The following VEPH1 variants were observed in gnomAD, a reference collection of about 807,000 sequenced individuals.
The protein encoded by VEPH1 is ventricular zone-expressed PH domain-containing protein homolog 1.
Under a neutral mutation model 85.2 loss-of-function variants are expected in VEPH1, and 80 were observed. That is an observed-to-expected ratio of 0.94 (90% CI 0.78 to 1.13). VEPH1 has a LOEUF of 1.13. Ranked by LOEUF, VEPH1 falls within the 50% of genes most tolerant of loss-of-function variation. The pLI is 0.00. For synonymous variants in VEPH1, 297 were observed against 348.0 expected (o/e 0.85, Z 1.63); for missense variants, 955 against 980.5 (o/e 0.97, Z 0.35).
chr3:157,318,651 A>AGAAT (rs1721043429), intron 9 of VEPH1, among the ~76,000 whole-genome samples: 2 of 145,052 alleles, frequency 1.4e-5, no homozygotes, highest in African/African-American at 5.4e-5. Flanking sequence ...AAAGAAAGAA[A>AGAAT]GAATGAAAGA....
intron 2 of VEPH1, among the ~76,000 whole-genome samples, chr3:157,481,465 C>CACACAAACACA (rs539385213): frequency 1.6e-5 from 1 of 63,312 alleles, no homozygotes; most frequent in African/African-American, 5.7e-5. Flanking sequence ...CACACACACA[C>CACACAAACACA]AAAAAAAAAA....
chr3:157,437,892 T>C, intron 4 of VEPH1: 1 of 1,520,556 alleles, frequency 6.6e-7, no homozygotes, highest in Non-Finnish European at 8.8e-7. Context: ...AGGGCTGGGC[T>C]GCCCGGAGCT....
intron 4 of VEPH1, chr3:157,443,671 G>A (rs1335087157): frequency 6.6e-6 from 1 of 152,220 alleles, no homozygotes; most frequent in Non-Finnish European, 1.5e-5. Context: ...TAGGCAATTA[G>A]TTTTCAGATA....
intron 6 of VEPH1, among the ~76,000 whole-genome samples, chr3:157,382,478 G>T (rs1728884997): frequency 6.6e-6 from 1 of 152,124 alleles, no homozygotes; most frequent in African/African-American, 2.4e-5. Flanking sequence ...GTGCCCAATA[G>T]AAATAATGAT....
At chr3:157,442,036 A>G (rs571713943) in intron 4 of VEPH1, among the ~76,000 whole-genome samples, 1 of 151,946 alleles carries the variant, frequency 6.6e-6, no homozygotes, top group Non-Finnish European at 1.5e-5. Flanking sequence ...CAACTTTTTT[A>G]AAAAAAAGCA....
intron 2 of VEPH1, among the ~76,000 whole-genome samples, chr3:157,474,497 C>A (rs1376880273): frequency 2.6e-5 from 4 of 152,088 alleles, no homozygotes; most frequent in Non-Finnish European, 5.9e-5. Flanking sequence ...GTTGTTAACT[C>A]TCTTTCTGTA....
At position 157,261,297 on chromosome 3, in the gene VEPH1, C is replaced by T. The variant is rs765629459; in HGVS notation, c.2339G>A (p.Arg780Lys). 1.9e-6 allele frequency: 3 copies of T among 1,613,564 alleles called. No homozygotes were observed. In the East Asian group the frequency reaches 6.7e-5, roughly 36 times the overall value. Residue 780 changes from arginine (R) to lysine (K), a missense_variant, in exon 14 of 14, where the codon AGG becomes AAG. Physicochemically the swap from Arg to Lys is conservative, Grantham distance 26. Transcript: ENST00000362010. ...GAAAGCCCGGGGGAGAGAGCGGTCC[C>T]TGCGTTTCTTGGCCACAGCCTTCAC... ...QSVKAVAKKR[R>K]DRSLPRAFEI...
intron 12 of VEPH1, among the ~76,000 whole-genome samples, chr3:157,266,612 A>C (rs1713684540): frequency 1.3e-5 from 2 of 152,334 alleles, no homozygotes; most frequent in South Asian, 2.1e-4. Flanking sequence ...AATAGTAGGA[A>C]GTCTATAAAT....
At chr3:157,471,683 C>A (rs1043644277) in intron 2 of VEPH1, among the ~76,000 whole-genome samples, 1 of 150,534 alleles carries the variant, frequency 6.6e-6, no homozygotes. Flanking sequence ...CCCACGGTAC[C>A]TTATATATAT....
At chr3:157,272,364 CTTTCTCTTTCTTT>C (rs1410579790) in intron 12 of VEPH1, among the ~76,000 whole-genome samples, 91 of 123,672 alleles carry the variant, frequency 7.4e-4, no homozygotes, top group Non-Finnish European at 1.0e-3. Flanking sequence ...CTCTTTCTTT[CTTTCTCTTTCTTT>C]TCTTTCTTTC....
At position 157,413,940 on chromosome 3, in the gene VEPH1, A is replaced by G; in HGVS notation, c.847T>C (p.Phe283Leu). The change falls in exon 6 of 14, where the codon TTC becomes CTC. Residue 283 changes from phenylalanine to leucine, a missense_variant. Transcript: ENST00000362010. ...LPMLKEIGERFPYLTGQMARI... is the reference protein window; with the variant it reads ...LPMLKEIGERLPYLTGQMARI... ...GCCATCTGTCCAGTGAGGTAGGGGA[A>G]TCTCTCACCAATCTCTTTCAGCATT... The G allele has an allele frequency of 6.2e-7, 1 of 1,613,702 alleles. No individual in the cohort carries two copies. Among genetic ancestry groups the G allele is most frequent in the Non-Finnish European group, 8.5e-7 (1 of 1,179,734 alleles).
At chr3:157,289,955 A>G (rs1461483916) in intron 11 of VEPH1, among the ~76,000 whole-genome samples, 1 of 151,706 alleles carries the variant, frequency 6.6e-6, no homozygotes, top group African/African-American at 2.4e-5. Context: ...TTCCCTGTGT[A>G]TGGGAAGGAC....
chr3:157,407,582 G>A (rs1365690428), intron 6 of VEPH1, among the ~76,000 whole-genome samples: 2 of 152,028 alleles, frequency 1.3e-5, no homozygotes, highest in African/African-American at 2.4e-5. Context: ...GGTTGTCTAC[G>A]GTGCCTCATT....
chr3:157,304,465 C>G (rs1252167455), intron 11 of VEPH1, among the ~76,000 whole-genome samples: 1 of 152,098 alleles, frequency 6.6e-6, no homozygotes, highest in Non-Finnish European at 1.5e-5. Flanking sequence ...AATTCTGGCC[C>G]TTTAGTAATC....
intron 5 of VEPH1, among the ~76,000 whole-genome samples, chr3:157,417,417 G>T (rs972492894): frequency 1.3e-5 from 2 of 152,110 alleles, no homozygotes; most frequent in African/African-American, 4.8e-5. Flanking sequence ...TACCAAACTG[G>T]CCTTCTTGCC....
chr3:157,354,072 C>T (rs969222892), intron 9 of VEPH1, among the ~76,000 whole-genome samples: 12 of 152,116 alleles, frequency 7.9e-5, no homozygotes, highest in Non-Finnish European at 2.9e-5. Flanking sequence ...AAACTATGGA[C>T]TCTAGATGAT....
At chr3:157,418,460 A>G (rs901779305) in intron 5 of VEPH1, among the ~76,000 whole-genome samples, 2 of 152,226 alleles carry the variant, frequency 1.3e-5, no homozygotes, top group Non-Finnish European at 2.9e-5. Flanking sequence ...TCTGTAAAGA[A>G]TAAAAGTTTT....
At chr3:157,500,701 A>G (rs1740033167) in intron 1 of VEPH1, among the ~76,000 whole-genome samples, 1 of 152,188 alleles carries the variant, frequency 6.6e-6, no homozygotes, top group Non-Finnish European at 1.5e-5. Flanking sequence ...ATTCATTATT[A>G]CTGATTTTTA....
Position 157,411,259 on chromosome 3 carries a change from T to C in VEPH1, c.906+2622A>G, listed in dbSNP as rs114111745. On this transcript the variant is annotated intron_variant, in intron 6 of 13. Transcript: ENST00000362010. ...TAGAGAGATTGCCTTCTAGACTTCG[T>C]TATGTGTAAGAGAATCAGATATCTG... Among the ~76,000 whole-genome samples, 1,378 of 152,276 alleles carry C rather than the reference T, an allele frequency of 9.0e-3. 17 individuals are homozygous for C. The highest frequency in any genetic ancestry group is 0.032 in the African/African-American group (1,316 of 41,558).
Sources: gnomAD v4.1 joint callset for allele counts (sites outside exome capture counted in the v4.1 genomes callset) on GRCh38, gnomAD v4.1.1 for gene constraint, MANE v1.5 for transcripts, NCBI Gene and HGNC (gene_info 2026-07-23, HGNC 2026-07-21) for gene names.